Variants in AFG2A observed in about 807,000 individuals in gnomAD.
AFG2A encodes the protein AAA ATPase AFG2A.
the AFG2A span, among the ~76,000 whole-genome samples, chr4:122,996,082 C>A: frequency 1.3e-5 from 2 of 152,170 alleles, no homozygotes; most frequent in African/African-American, 4.8e-5. Context: ...GCCTATTGAT[C>A]ATCTCTAGTA....
chr4:123,135,352 CA>C, the AFG2A span, among the ~76,000 whole-genome samples: 2 of 152,168 alleles, frequency 1.3e-5, no homozygotes, highest in African/African-American at 2.4e-5. Context: ...ATGAACAATA[CA>C]AGATGCTTAC....
the AFG2A span, among the ~76,000 whole-genome samples, chr4:123,291,395 T>C: frequency 6.6e-6 from 1 of 152,222 alleles, no homozygotes; most frequent in South Asian, 2.1e-4. Context: ...GTTTTCTTCA[T>C]TATGTTACTG....
the AFG2A span, among the ~76,000 whole-genome samples, chr4:123,237,284 G>A: frequency 9.2e-5 from 14 of 152,124 alleles, no homozygotes; most frequent in Admixed American, 9.2e-4. Context: ...TACAGAGGGG[G>A]GTACAGTCCC....
At chr4:123,034,280 C>T in the AFG2A span, among the ~76,000 whole-genome samples, 2 of 151,484 alleles carry the variant, frequency 1.3e-5, no homozygotes, top group Admixed American at 6.6e-5. Flanking sequence ...AACCAGTTCC[C>T]GTAGATAACT....
chr4:123,216,124 CA>C, the AFG2A span, among the ~76,000 whole-genome samples: 1 of 151,764 alleles, frequency 6.6e-6, no homozygotes, highest in Non-Finnish European at 1.5e-5. Context: ...TATCTCAAGA[CA>C]AAAAAAGAAT....
At chr4:123,231,501 T>TA in the AFG2A span, among the ~76,000 whole-genome samples, 1 of 152,050 alleles carries the variant, frequency 6.6e-6, no homozygotes, top group Non-Finnish European at 1.5e-5. Flanking sequence ...TTTGATCTTT[T>TA]ATCCAGATCA....
At chr4:123,068,825 TG>T in the AFG2A span, among the ~76,000 whole-genome samples, 1 of 152,160 alleles carries the variant, frequency 6.6e-6, no homozygotes, top group Admixed American at 6.5e-5. Context: ...GTGCCACGTG[TG>T]AACAAATTTT....
the AFG2A span, among the ~76,000 whole-genome samples, chr4:123,311,266 T>C: frequency 6.6e-6 from 1 of 152,102 alleles, no homozygotes; most frequent in East Asian, 1.9e-4. Context: ...CCATAACTGA[T>C]CACTAAAGCC....
chr4:123,039,641 G>A, the AFG2A span, among the ~76,000 whole-genome samples: 1 of 151,556 alleles, frequency 6.6e-6, no homozygotes, highest in Non-Finnish European at 1.5e-5. Flanking sequence ...TTCTTGCTTT[G>A]TACTACAATC....
the AFG2A span, among the ~76,000 whole-genome samples, chr4:123,117,270 A>G: frequency 6.6e-6 from 1 of 151,904 alleles, no homozygotes; most frequent in African/African-American, 2.4e-5. Context: ...CTCCGTTTTC[A>G]AGCATTGTCT....
chr4:123,122,236 G>T, the AFG2A span, among the ~76,000 whole-genome samples: 1 of 152,120 alleles, frequency 6.6e-6, no homozygotes, highest in African/African-American at 2.4e-5. Context: ...TCTCTCCCCA[G>T]ATATACAGAT....
At chr4:123,161,343 T>C in the AFG2A span, among the ~76,000 whole-genome samples, 1 of 152,146 alleles carries the variant, frequency 6.6e-6, no homozygotes, top group South Asian at 2.1e-4. Flanking sequence ...AAGCATGAAA[T>C]AAGTGCTCTA....
At chr4:123,303,764 CA>C in the AFG2A span, among the ~76,000 whole-genome samples, 1 of 151,770 alleles carries the variant, frequency 6.6e-6, no homozygotes, top group African/African-American at 2.4e-5. Flanking sequence ...CTGTCTTCAA[CA>C]AAAACAAACA....
the AFG2A span, among the ~76,000 whole-genome samples, chr4:123,156,030 T>C: frequency 6.6e-6 from 1 of 152,170 alleles, no homozygotes; most frequent in Non-Finnish European, 1.5e-5. Context: ...CTTCTACCTC[T>C]GAGGAGGCCT....
chr4:122,990,684 G>T, the AFG2A span, among the ~76,000 whole-genome samples: 1 of 152,072 alleles, frequency 6.6e-6, no homozygotes, highest in African/African-American at 2.4e-5. Flanking sequence ...AAATTTCTCT[G>T]CTCAAACGAT....
At chr4:122,988,849 T>A in the AFG2A span, among the ~76,000 whole-genome samples, 1 of 152,216 alleles carries the variant, frequency 6.6e-6, no homozygotes, top group African/African-American at 2.4e-5. Flanking sequence ...GACAAGATAA[T>A]TTCAGAAGAT....
the AFG2A span, chr4:122,979,350 C>T: frequency 6.2e-6 from 10 of 1,613,996 alleles, no homozygotes; most frequent in Non-Finnish European, 8.5e-6. Flanking sequence ...ATATCAGACC[C>T]AGTGCCATGA....
the AFG2A span, among the ~76,000 whole-genome samples, chr4:123,011,020 T>C: frequency 6.6e-6 from 1 of 152,250 alleles, no homozygotes; most frequent in African/African-American, 2.4e-5. Flanking sequence ...TCTAATACTT[T>C]CTTCACTCTT....
chr4:123,069,689 A>G, the AFG2A span, among the ~76,000 whole-genome samples: 1 of 152,218 alleles, frequency 6.6e-6, no homozygotes, highest in African/African-American at 2.4e-5. Context: ...ATTTTTAATT[A>G]TAAAAATATC....
Sources: allele counts gnomAD v4.1 joint callset (sites outside exome capture counted in the v4.1 genomes callset), GRCh38; gene constraint gnomAD v4.1.1; transcripts MANE v1.5; gene names NCBI Gene and HGNC (gene_info 2026-07-23, HGNC 2026-07-21).